JADE2: variants seen among roughly 807,000 people sequenced by gnomAD.
The protein encoded by JADE2 is E3 ubiquitin-protein ligase Jade-2.
JADE2 carries 13 observed loss-of-function variants against 85.7 expected under a neutral mutation model. The ratio of observed to expected loss-of-function variants is 0.15; its 90% confidence interval spans 0.10 to 0.24. The LOEUF (loss-of-function observed/expected upper bound fraction) is 0.24. Ranked by LOEUF, JADE2 falls within the 10% of genes least tolerant of loss-of-function variation. The pLI, the probability that JADE2 is intolerant of heterozygous loss-of-function variation, is 1.00. For synonymous variants in JADE2, 440 were observed against 456.1 expected (o/e 0.96, Z 0.45); for missense variants, 846 against 1,115.9 (o/e 0.76, Z 3.45).
chr5:134,569,224 A>T (rs553626192), intron 9 of JADE2, among the ~76,000 whole-genome samples: 1 of 152,220 alleles, frequency 6.6e-6, no homozygotes, highest in Non-Finnish European at 1.5e-5. Flanking sequence ...AGAAGAAGGG[A>T]GGCCAGCCCG....
chr5:134,562,069 T>C lies in JADE2; in HGVS notation c.685-131T>C, dbSNP rs1312277368. ...CCTTGCATTGTAACTCCTCAGAAGTTGTACGTGCCAGAGATGGGAGGCTGT... is the reference window on the plus strand; with the variant it reads ...CCTTGCATTGTAACTCCTCAGAAGTCGTACGTGCCAGAGATGGGAGGCTGT... On this transcript the variant is annotated intron_variant, in intron 6 of 11. Transcript: ENST00000681547. This position sits in a 1 kb window ranked among gnomAD's most constrained non-coding sequence, Gnocchi z 4.6. 1 of 888,844 alleles carries C rather than the reference T, an allele frequency of 1.1e-6. No individual in the cohort carries two copies. Among genetic ancestry groups the C allele is most frequent in the Admixed American group, 2.6e-5 (1 of 37,954 alleles). 55.1% of individuals were successfully genotyped at this position (888,844 alleles called of 1,614,324 possible). A position where few individuals can be genotyped will look rare whatever the true frequency, so the allele number is the denominator to read the frequency against.
At position 134,581,312 on chromosome 5, in the gene JADE2, C is replaced by T. The variant is rs1189236266; in HGVS notation, c.*1995C>T. Reference sequence around the variant, plus strand: ...AGTGTCAGCATCAGTGTCCCAACCCCAGTCTCTGTTTACTGCCTTTGAACA... The same window carrying T: ...AGTGTCAGCATCAGTGTCCCAACCCTAGTCTCTGTTTACTGCCTTTGAACA... On this transcript the variant is annotated 3_prime_UTR_variant, in exon 12 of 12. Transcript: ENST00000681547. 6.5e-6 allele frequency: 1 copy of T among 152,738 alleles called. No individual in the cohort carries two copies. The highest frequency in any genetic ancestry group is 2.4e-5 in the African/African-American group (1 of 41,446). The allele number at this position is 152,738 out of a possible 1,614,324, so 9.5% of individuals were successfully genotyped here. A position where few individuals can be genotyped will look rare whatever the true frequency, so the allele number is the denominator to read the frequency against.
chr5:134,568,709 C>T lies in JADE2; in HGVS notation c.1434+2129C>T, dbSNP rs148901852. Among the ~76,000 whole-genome samples, 242 of 152,304 alleles carry T rather than the reference C, an allele frequency of 1.6e-3. 4 individuals are homozygous for T. In the East Asian group the frequency reaches 0.037, roughly 24 times the overall value. ...GGGGCATGCACAGCCCTGGCAGGGC[C>T]GAGGAGGGACAACCATGAGCCAAGC... On this transcript the variant is annotated intron_variant, in intron 9 of 11. Coordinates refer to ENST00000681547, the MANE Select transcript of JADE2 (RefSeq NM_001388185.1).
chr5:134,526,461 G>T (rs1158029533), intron 1 of JADE2: 3 of 985,252 alleles, frequency 3.0e-6, no homozygotes, highest in Non-Finnish European at 3.6e-6. Flanking sequence ...CCGGGCGGGG[G>T]CTCCGAGAAC....
chr5:134,573,749 G>T lies in JADE2; in HGVS notation c.1539G>T (p.Gln513His). ...IFHLQMKLIE[Q>H]DLCRERSGRR... ...ACCTGCAGATGAAACTTATTGAACA[G>T]GATCTGTGTCGAGGTAGGCGCCTTC... The change falls in exon 10 of 12, where the codon CAG (glutamine) becomes CAT (histidine). Residue 513 changes from glutamine to histidine, a missense_variant. Physicochemically the swap from Gln to His is conservative, Grantham distance 24. Transcript: ENST00000681547. 1 of 1,609,674 alleles carries T rather than the reference G, an allele frequency of 6.2e-7. No individual in the cohort carries two copies. Among genetic ancestry groups the T allele is most frequent in the Non-Finnish European group, 8.5e-7 (1 of 1,175,906 alleles).
chr5:134,576,462 C>A (rs1239909343), intron 10 of JADE2, among the ~76,000 whole-genome samples: 2 of 152,196 alleles, frequency 1.3e-5, no homozygotes, highest in Non-Finnish European at 2.9e-5. Flanking sequence ...TCCAGACTCC[C>A]TTCCAGCCAT....
Position 134,552,142 on chromosome 5 carries a change from C to T in JADE2, c.244C>T (p.Arg82Ter). The change falls in exon 4 of 12, where the codon CGA (arginine) becomes TGA (stop). Residue 82 changes from arginine to a stop codon, truncating the protein, a stop_gained. Coordinates refer to ENST00000681547, the MANE Select transcript of JADE2 (RefSeq NM_001388185.1). LOFTEE classifies it high-confidence loss of function. ...CTACTACATCCTGGCAGACCCATGG[C>T]GACAGGAATGGGAGAAAGGTGTGCA... The part of the protein sequence containing the change: ...DDYYILADPW[R>*]QEWEKGVQVP... 6.2e-7 allele frequency: 1 copy of T among 1,614,154 alleles called. No individual in the cohort carries two copies. The highest frequency in any genetic ancestry group is 8.5e-7 in the Non-Finnish European group (1 of 1,180,010).
chr5:134,525,735 TG>T lies in JADE2; in HGVS notation c.-269del, dbSNP rs746853043. ...GCCATCGCAGTTGGAGGCTATTTTT[TG>T]GGGGGGGTGAGTAGCGTCCATGGAG... On this transcript the variant is annotated 5_prime_UTR_variant, in exon 1 of 12. It introduces an in-frame stop codon into an upstream open reading frame of the 5' UTR. Coordinates refer to ENST00000681547, the MANE Select transcript of JADE2 (RefSeq NM_001388185.1). 3.9e-5 allele frequency: 48 copies of T among 1,218,348 alleles called. No individual in the cohort carries two copies. Among genetic ancestry groups the T allele is most frequent in the East Asian group, 3.1e-4 (4 of 12,802 alleles). 75.5% of individuals were successfully genotyped at this position (1,218,348 alleles called of 1,614,324 possible).
chr5:134,545,841 G>A (rs1490176675), intron 3 of JADE2, among the ~76,000 whole-genome samples: 1 of 152,200 alleles, frequency 6.6e-6, no homozygotes, highest in African/African-American at 2.4e-5. Context: ...GATGAGGTTG[G>A]CTCTTTAAGT....
chr5:134,567,396 T>G (rs1233460244), intron 9 of JADE2, among the ~76,000 whole-genome samples: 2 of 152,114 alleles, frequency 1.3e-5, no homozygotes, highest in African/African-American at 4.8e-5. Context: ...GGTGGCTTGG[T>G]CCAGGGGGCT....
intron 3 of JADE2, among the ~76,000 whole-genome samples, chr5:134,541,908 G>C (rs1240304943): frequency 6.6e-6 from 1 of 152,254 alleles, no homozygotes; most frequent in Non-Finnish European, 1.5e-5. Flanking sequence ...TCAGGACCCT[G>C]GACAGGGCTA....
At chr5:134,534,243 TA>T (rs1347530431) in intron 1 of JADE2, among the ~76,000 whole-genome samples, 1 of 152,140 alleles carries the variant, frequency 6.6e-6, no homozygotes, top group Admixed American at 6.5e-5. Flanking sequence ...TATATGCCTA[TA>T]ACAAAGGGCT....
chr5:134,578,800 C>T lies in JADE2; in HGVS notation c.1988C>T (p.Thr663Met), dbSNP rs373153187. ...CCGCAGGACGGGCCTGGTTCACGGA[C>T]GACTCCAGACAAAGCCCCCAAGAAG... Reference protein sequence around the residue: ...PPPQDGPGSRTTPDKAPKKTW... With the variant: ...PPPQDGPGSRMTPDKAPKKTW... The change falls in exon 12 of 12, where the codon ACG becomes ATG. Residue 663 changes from threonine (T) to methionine (M), a missense_variant. Physicochemically the swap from Thr to Met is moderately conservative, Grantham distance 81. Coordinates refer to ENST00000681547, the MANE Select transcript of JADE2 (RefSeq NM_001388185.1). This position sits in a 1 kb window ranked among gnomAD's most constrained non-coding sequence, Gnocchi z 4.4. The T allele has an allele frequency of 3.3e-5, 53 of 1,613,642 alleles. No individual in the cohort carries two copies. In the African/African-American group the frequency reaches 3.5e-4, roughly 11 times the overall value.
At chr5:134,539,708 G>A (rs575034385) in intron 3 of JADE2, among the ~76,000 whole-genome samples, 101 of 152,350 alleles carry the variant, frequency 6.6e-4, no homozygotes, top group African/African-American at 1.3e-3. Flanking sequence ...GTTTGGTGGC[G>A]GGGCCCTCGT....
In JADE2 at chr5:134,583,168, G is replaced by A. The variant is rs1764788726; in HGVS notation, c.*3851G>A. On this transcript the variant is annotated 3_prime_UTR_variant, in exon 12 of 12. Coordinates refer to ENST00000681547, the MANE Select transcript of JADE2 (RefSeq NM_001388185.1). Reference sequence around the variant, plus strand: ...GGCCCCACCAGGGCTTGTGTCATAGGGAGCCCTTTGCACTCCTCGTGTGTT... The same window carrying A: ...GGCCCCACCAGGGCTTGTGTCATAGAGAGCCCTTTGCACTCCTCGTGTGTT... The A allele has an allele frequency of 6.6e-6, 1 of 152,594 alleles. No individual in the cohort carries two copies. Among genetic ancestry groups the A allele is most frequent in the Admixed American group, 6.5e-5 (1 of 15,274 alleles). The allele number at this position is 152,594 out of a possible 1,614,324, so 9.5% of individuals were successfully genotyped here. A position where few individuals can be genotyped will look rare whatever the true frequency, so the allele number is the denominator to read the frequency against.
chr5:134,537,070 T>C (rs1205184135), intron 2 of JADE2, among the ~76,000 whole-genome samples: 5 of 152,224 alleles, frequency 3.3e-5, no homozygotes, highest in Non-Finnish European at 5.9e-5. Flanking sequence ...TCTGGCCTTT[T>C]GTGGCTACAA....
rs1287949067 is a variant in JADE2 at position 134,581,206 on chromosome 5, C to T, written c.*1889C>T. ...GACTCGGAGGGAGTGGGGTGGGCTT[C>T]AAGGATTCTGGGCGTTGGGATGGCA... On this transcript the variant is annotated 3_prime_UTR_variant, in exon 12 of 12. Coordinates refer to ENST00000681547, the MANE Select transcript of JADE2 (RefSeq NM_001388185.1). 1 of 152,470 alleles carries T rather than the reference C, an allele frequency of 6.6e-6. No individual in the cohort carries two copies. Among genetic ancestry groups the T allele is most frequent in the Non-Finnish European group, 1.5e-5 (1 of 68,046 alleles). 9.4% of individuals were successfully genotyped at this position (152,470 alleles called of 1,614,324 possible).
chr5:134,576,619 G>A, intron 10 of JADE2, 149 bp from the exon 11 acceptor site: 1 of 1,002,146 alleles, frequency 1.0e-6, no homozygotes, highest in Non-Finnish European at 1.5e-6. Flanking sequence ...ACCCCACCAT[G>A]CCAGCCATCC....
At chr5:134,526,087 A>G (rs1462155316) in intron 1 of JADE2, 76 bp downstream of exon 1, 2 of 984,846 alleles carry the variant, frequency 2.0e-6, no homozygotes, top group South Asian at 9.4e-5. Flanking sequence ...CAGATCTGCC[A>G]GCGCTCTTCG....
Sources: gnomAD v4.1 joint callset for allele counts (sites outside exome capture counted in the v4.1 genomes callset) on GRCh38, gnomAD v4.1.1 for gene constraint, Gnocchi (gnomAD v3.1) non-coding constraint, MANE v1.5 for transcripts, NCBI Gene and HGNC (gene_info 2026-07-23, HGNC 2026-07-21) for gene names.